ATF7: variants seen among roughly 807,000 people sequenced by gnomAD.
The protein encoded by ATF7 is cyclic AMP-dependent transcription factor ATF-7.
ATF7 carries 10 observed loss-of-function variants against 50.4 expected under a neutral mutation model. The ratio of observed to expected loss-of-function variants is 0.20; its 90% CI spans 0.12 to 0.34. The LOEUF (loss-of-function observed/expected upper bound fraction) is 0.34, where lower values mean the gene tolerates loss of function less well. Ranked by LOEUF, ATF7 falls within the 10% of genes least tolerant of loss-of-function variation. The pLI is 1.00. For missense variants in ATF7, 465 were observed against 613.9 expected (o/e 0.76, Z 2.56); for synonymous variants, 201 against 226.4 (o/e 0.89, Z 1.01).
downstream of ATF7, among the ~76,000 whole-genome samples, chr12:53,510,402 G>A (rs1179111268): frequency 6.6e-6 from 1 of 152,218 alleles, no homozygotes; most frequent in African/African-American, 2.4e-5. Context: ...GTGGGCAGTA[G>A]CTGCTGCATC....
intron 2 of ATF7, among the ~76,000 whole-genome samples, chr12:53,555,538 T>C (rs1161508221): frequency 7.2e-6 from 1 of 139,706 alleles, no homozygotes; most frequent in Non-Finnish European, 1.5e-5. Context: ...AGTCTCGCTC[T>C]GTTGCCCAGG....
intron 1 of ATF7, among the ~76,000 whole-genome samples, chr12:53,610,188 T>C (rs1943802756): frequency 6.6e-6 from 1 of 151,388 alleles, no homozygotes; most frequent in African/African-American, 2.4e-5. Context: ...AGGCAGAGAG[T>C]TACAAAATAT....
At chr12:53,605,937 G>A (rs989314932) in intron 1 of ATF7, among the ~76,000 whole-genome samples, 1 of 152,122 alleles carries the variant, frequency 6.6e-6, no homozygotes, top group African/African-American at 2.4e-5. Context: ...GAAAGCTGCT[G>A]GATCCACAAA....
At chr12:53,552,517 C>T (rs374565788) in intron 3 of ATF7, 24 bp downstream of exon 3, 124 of 1,585,648 alleles carry the variant, frequency 7.8e-5, no homozygotes, top group African/African-American at 1.8e-4. Flanking sequence ...TATCAAGGCA[C>T]GTGGCTTTTG....
intron 1 of ATF7, among the ~76,000 whole-genome samples, chr12:53,623,202 G>A (rs1233894045): frequency 1.3e-5 from 2 of 152,072 alleles, no homozygotes; most frequent in African/African-American, 4.8e-5. Context: ...TTTCTCCTTA[G>A]AGTATTCAAA....
At chr12:53,616,191 ACTTT>A (rs749132175) in intron 1 of ATF7, among the ~76,000 whole-genome samples, 8 of 152,108 alleles carry the variant, frequency 5.3e-5, no homozygotes, top group Non-Finnish European at 1.0e-4. Context: ...TCATGAAATG[ACTTT>A]CTAAGCTAAA....
chr12:53,530,896 A>C (rs1938830863), intron 9 of ATF7, among the ~76,000 whole-genome samples: 1 of 152,104 alleles, frequency 6.6e-6, no homozygotes, highest in African/African-American at 2.4e-5. Flanking sequence ...GGCGTGAGCC[A>C]CCTCACCCAG....
chr12:53,581,690 T>C (rs1482184080), intron 2 of ATF7, among the ~76,000 whole-genome samples: 1 of 152,024 alleles, frequency 6.6e-6, no homozygotes, highest in Non-Finnish European at 1.5e-5. Flanking sequence ...AAACAGTGAT[T>C]AGTGGGAAAC....
rs1270369990 is a variant in ATF7, at chr12:53,512,295, G to T, written c.*4842C>A. On this transcript the variant is annotated 3_prime_UTR_variant, in exon 12 of 12. Coordinates refer to ENST00000420353, the MANE Select transcript of ATF7 (RefSeq NM_006856.3). ...ATCAGGTGGAGGGGAAAAGGGAAAA[G>T]ACAGTTTTGTAACAAAAAACAAAAT... is the stretch of plus-strand genomic sequence containing the variant. 1 of 152,166 alleles carries T rather than the reference G, an allele frequency of 6.6e-6. No individual in the cohort carries two copies. The highest frequency in any genetic ancestry group is 2.4e-5 in the African/African-American group (1 of 41,412). The allele number at this position is 152,166 out of a possible 1,614,324, so 9.4% of individuals were successfully genotyped here.
intron 2 of ATF7, among the ~76,000 whole-genome samples, chr12:53,555,740 C>A (rs1433034427): frequency 6.6e-6 from 1 of 151,986 alleles, no homozygotes; most frequent in Non-Finnish European, 1.5e-5. Flanking sequence ...GAATTCCCGA[C>A]CTCAGGTGAT....
intron 2 of ATF7, among the ~76,000 whole-genome samples, chr12:53,577,865 C>A (rs1942187327): frequency 6.6e-6 from 1 of 151,620 alleles, no homozygotes; most frequent in Non-Finnish European, 1.5e-5. Flanking sequence ...GGCTAAATGA[C>A]AAACAAACAA....
chr12:53,609,016 C>T (rs911279200), intron 1 of ATF7, among the ~76,000 whole-genome samples: 2 of 152,136 alleles, frequency 1.3e-5, no homozygotes, highest in African/African-American at 4.8e-5. Context: ...TAAAATTTCT[C>T]TTCATAGGCC....
chr12:53,612,078 C>T (rs928477943), intron 1 of ATF7, among the ~76,000 whole-genome samples: 3 of 151,786 alleles, frequency 2.0e-5, no homozygotes, highest in African/African-American at 7.3e-5. Context: ...TGGGTTCCAG[C>T]GATTCTCCCA....
chr12:53,530,896 ACC>A (rs1378372341), intron 9 of ATF7, among the ~76,000 whole-genome samples: 1 of 152,104 alleles, frequency 6.6e-6, no homozygotes, highest in African/African-American at 2.4e-5. Context: ...GGCGTGAGCC[ACC>A]TCACCCAGCC....
chr12:53,612,298 CTTTT>C (rs1266878196), intron 1 of ATF7, among the ~76,000 whole-genome samples: 1 of 141,430 alleles, frequency 7.1e-6, no homozygotes, highest in Non-Finnish European at 1.6e-5. Context: ...TTTTTCTTTT[CTTTT>C]TTAAGATGGA....
intron 1 of ATF7, among the ~76,000 whole-genome samples, chr12:53,616,109 GA>G (rs1390242496): frequency 6.6e-6 from 1 of 152,126 alleles, no homozygotes; most frequent in Non-Finnish European, 1.5e-5. Flanking sequence ...CCACTCAAAG[GA>G]AGCAAGCTGG....
At chr12:53,535,901 G>A (rs1043600803) in intron 5 of ATF7, among the ~76,000 whole-genome samples, 3 of 151,976 alleles carry the variant, frequency 2.0e-5, no homozygotes, top group Non-Finnish European at 4.4e-5. Context: ...GTCTGTAATC[G>A]CAGCACTTTG....
At chr12:53,615,909 G>A (rs1300973220) in intron 1 of ATF7, among the ~76,000 whole-genome samples, 1 of 152,076 alleles carries the variant, frequency 6.6e-6, no homozygotes, top group Non-Finnish European at 1.5e-5. Flanking sequence ...TAATAATAAT[G>A]AGTCAGGCAT....
chr12:53,624,356 C>G (rs1459866522), intron 1 of ATF7, among the ~76,000 whole-genome samples: 1 of 152,198 alleles, frequency 6.6e-6, no homozygotes, highest in East Asian at 1.9e-4. Context: ...TCTGGTTTCT[C>G]TTCATGTAAT....
Sources: allele counts gnomAD v4.1 joint callset (sites outside exome capture counted in the v4.1 genomes callset), GRCh38; gene constraint gnomAD v4.1.1; transcripts MANE v1.5; gene names NCBI Gene and HGNC (gene_info 2026-07-23, HGNC 2026-07-21).